The following TAFA1 variants were observed in gnomAD, a reference collection of about 807,000 sequenced individuals.
TAFA1 encodes the protein TAFA chemokine like family member 1, also known as chemokine-like protein TAFA-1.
In TAFA1, 4 loss-of-function variants were observed where a neutral mutation model predicts 18.5. The ratio of observed to expected loss-of-function variants is 0.22; its 90% CI spans 0.11 to 0.49. TAFA1 has a LOEUF of 0.49. TAFA1 is among the 20% of genes least tolerant of loss of function. The pLI is 0.98. For missense variants in TAFA1, 147 were observed against 169.0 expected (o/e 0.87, Z 0.72); for synonymous variants, 56 against 55.2 (o/e 1.01, Z -0.06).
At chr3:68,003,056 A>G (rs925545223), upstream of TAFA1, among the ~76,000 whole-genome samples, 2 of 152,232 alleles carry the variant, frequency 1.3e-5, no homozygotes, top group Non-Finnish European at 2.9e-5. Flanking sequence ...AACATGCAAC[A>G]CCAACTAGAA....
chr3:68,292,436 C>A (rs1412120094), intron 2 of TAFA1, among the ~76,000 whole-genome samples: 119 of 136,220 alleles, frequency 8.7e-4, no homozygotes, highest in African/African-American at 2.9e-3. Context: ...AAAAAAAAAA[C>A]CCAAAACAAA....
intron 2 of TAFA1, among the ~76,000 whole-genome samples, chr3:68,238,718 A>G (rs969610151): frequency 6.6e-6 from 1 of 152,158 alleles, no homozygotes; most frequent in African/African-American, 2.4e-5. Flanking sequence ...TAACAGAAAC[A>G]TGGACATTTC....
intron 4 of TAFA1, among the ~76,000 whole-genome samples, chr3:68,539,384 T>C (rs1234273070): frequency 1.3e-5 from 2 of 151,948 alleles, no homozygotes; most frequent in Non-Finnish European, 1.5e-5. Flanking sequence ...AGGAGTGATC[T>C]TCTAAATAAA....
intron 2 of TAFA1, among the ~76,000 whole-genome samples, chr3:68,414,294 C>A (rs569914948): frequency 3.9e-5 from 6 of 152,058 alleles, no homozygotes; most frequent in Non-Finnish European, 7.4e-5. Flanking sequence ...GCAACAGGAG[C>A]GAAACGCCAT....
intron 3 of TAFA1, among the ~76,000 whole-genome samples, chr3:68,474,748 A>G (rs952432542): frequency 2.0e-5 from 3 of 152,224 alleles, no homozygotes; most frequent in Non-Finnish European, 4.4e-5. Context: ...GAAAAGGCAT[A>G]TAAGAAATTA....
chr3:68,333,418 A>T (rs1024308966), intron 2 of TAFA1, among the ~76,000 whole-genome samples: 1 of 152,210 alleles, frequency 6.6e-6, no homozygotes, highest in Non-Finnish European at 1.5e-5. Context: ...TCTCATAAGT[A>T]GGAGCTAAAC....
chr3:68,120,240 T>C lies in TAFA1; in HGVS notation c.118+113496T>C, dbSNP rs185032416. ...TTCTTTCTTTCTTTCTTTCTTTCTTTCTTTCTTTCTTTCTTTCTTTCTTTT... is the reference window on the plus strand; with the variant it reads ...TTCTTTCTTTCTTTCTTTCTTTCTTCCTTTCTTTCTTTCTTTCTTTCTTTT... On this transcript the variant is annotated intron_variant, in intron 2 of 4. Transcript: ENST00000478136. Among the ~76,000 whole-genome samples the C allele has an allele frequency of 5.1e-3, 645 of 125,732 alleles. 11 individuals are homozygous for C. The highest frequency in any genetic ancestry group is 0.02 in the African/African-American group (604 of 30,422). 82.5% of individuals were successfully genotyped at this position (125,732 alleles called of 152,430 possible).
At chr3:68,424,235 C>T (rs544783779) in intron 3 of TAFA1, among the ~76,000 whole-genome samples, 1 of 151,960 alleles carries the variant, frequency 6.6e-6, no homozygotes, top group Non-Finnish European at 1.5e-5. Context: ...TACATAAAGA[C>T]TTCGACCCAG....
intron 2 of TAFA1, among the ~76,000 whole-genome samples, chr3:68,329,881 C>A (rs1575781647): frequency 6.6e-6 from 1 of 152,210 alleles, no homozygotes; most frequent in African/African-American, 2.4e-5. Flanking sequence ...ATTAATTCAC[C>A]TGGTTCTGGG....
chr3:68,058,538 T>C (rs949315125), intron 2 of TAFA1, among the ~76,000 whole-genome samples: 1 of 152,174 alleles, frequency 6.6e-6, no homozygotes, highest in Non-Finnish European at 1.5e-5. Context: ...TAATGAATGT[T>C]CACAAGATCT....
At chr3:68,162,458 A>G (rs2065936544) in intron 2 of TAFA1, among the ~76,000 whole-genome samples, 1 of 152,176 alleles carries the variant, frequency 6.6e-6, no homozygotes, top group African/African-American at 2.4e-5. Context: ...GAGCTCAGGC[A>G]GTCATGCTTA....
At chr3:68,303,699 TTTGCC>T (rs1180846474) in intron 2 of TAFA1, among the ~76,000 whole-genome samples, 2 of 152,122 alleles carry the variant, frequency 1.3e-5, no homozygotes, top group African/African-American at 4.8e-5. Flanking sequence ...TCCGCCCGCC[TTTGCC>T]TCCCAAAGTG....
chr3:68,033,862 A>G (rs1704989811), intron 2 of TAFA1, among the ~76,000 whole-genome samples: 1 of 152,216 alleles, frequency 6.6e-6, no homozygotes, highest in African/African-American at 2.4e-5. Context: ...TAGACACATC[A>G]TTTGATATCC....
At chr3:68,321,984 CAG>C (rs1371670698) in intron 2 of TAFA1, among the ~76,000 whole-genome samples, 2 of 152,172 alleles carry the variant, frequency 1.3e-5, no homozygotes, top group Admixed American at 6.6e-5. Context: ...TTCCCAAAGA[CAG>C]AGTTTTTTTC....
intron 4 of TAFA1, 49 bp from the exon 5 acceptor site, chr3:68,544,437 T>A: frequency 6.3e-7 from 1 of 1,596,120 alleles, no homozygotes; most frequent in Non-Finnish European, 8.6e-7. Flanking sequence ...TCTTTGTGCC[T>A]TCAGTTTGCA....
At chr3:68,167,295 C>A (rs142957842) in intron 2 of TAFA1, among the ~76,000 whole-genome samples, 22 of 152,276 alleles carry the variant, frequency 1.4e-4, no homozygotes, top group African/African-American at 4.1e-4. Context: ...GTTAAAAATG[C>A]GGCCGGGCGC....
chr3:68,049,108 G>T (rs2064433651), intron 2 of TAFA1, among the ~76,000 whole-genome samples: 1 of 152,030 alleles, frequency 6.6e-6, no homozygotes, highest in Non-Finnish European at 1.5e-5. Context: ...ATTTCTAGGG[G>T]GATACCAATC....
intron 2 of TAFA1, among the ~76,000 whole-genome samples, chr3:68,050,228 G>A (rs1288587172): frequency 6.6e-6 from 1 of 152,150 alleles, no homozygotes; most frequent in Non-Finnish European, 1.5e-5. Flanking sequence ...ATTGAAGGAT[G>A]TATTAGTAAA....
intron 2 of TAFA1, among the ~76,000 whole-genome samples, chr3:68,043,446 A>C (rs1036969584): frequency 6.6e-6 from 1 of 152,230 alleles, no homozygotes; most frequent in Non-Finnish European, 1.5e-5. Flanking sequence ...TTAAAAAAAT[A>C]ATTGAAAGAT....
Sources: allele counts gnomAD v4.1 joint callset (sites outside exome capture counted in the v4.1 genomes callset), GRCh38; gene constraint gnomAD v4.1.1; transcripts MANE v1.5; gene names NCBI Gene and HGNC (gene_info 2026-07-23, HGNC 2026-07-21).